The following GSE1 variants were observed in gnomAD, a reference collection of about 807,000 sequenced individuals.
GSE1 encodes the protein Gse1 coiled-coil protein.
GSE1 carries 32 observed loss-of-function variants against 112.6 expected under a neutral mutation model. The observed-to-expected ratio is 0.28, with a 90% CI of 0.21 to 0.38. GSE1 has a LOEUF of 0.38. Ranked by LOEUF, GSE1 falls within the 10% of genes least tolerant of loss-of-function variation. GSE1 has a pLI of 1.00. For missense variants in GSE1, 2,348 were observed against 1,699.2 expected (o/e 1.38, Z -6.71); for synonymous variants, 1,115 against 735.6 (o/e 1.52, Z -8.35).
intron 1 of GSE1, among the ~76,000 whole-genome samples, chr16:85,564,732 A>T (rs931807958): frequency 3.3e-5 from 5 of 152,182 alleles, no homozygotes; most frequent in Admixed American, 2.6e-4. Flanking sequence ...TCCAGAAGCC[A>T]AGGAACAGTA....
chr16:85,574,550 C>A (rs1188102373), intron 1 of GSE1, among the ~76,000 whole-genome samples: 2 of 152,248 alleles, frequency 1.3e-5, no homozygotes, highest in Non-Finnish European at 2.9e-5. Flanking sequence ...CAGGAAGTGA[C>A]CTCGTAGAAC....
intron 7 of GSE1, 71 bp downstream of exon 7, chr16:85,656,736 C>A: frequency 7.0e-7 from 1 of 1,436,566 alleles, no homozygotes; most frequent in Non-Finnish European, 9.1e-7. Context: ...TGAATCGCAG[C>A]ACCTGCCGGT....
At position 85,673,211 on chromosome 16, in the gene GSE1, A is replaced by T. The variant is rs2053481246; in HGVS notation, c.*672A>T. On this transcript the variant is annotated 3_prime_UTR_variant, in exon 16 of 16. Transcript: ENST00000253458. The stretch of plus-strand genomic sequence containing the variant: ...TTATTACTCCGTGGGGAGCATGTAC[A>T]GAGCTCTGTGTATACACAGCTTCAC... The T allele has an allele frequency of 6.6e-6, 1 of 152,638 alleles. No individual in the cohort carries two copies. Among genetic ancestry groups the T allele is most frequent in the South Asian group, 2.1e-4 (1 of 4,830 alleles). 9.5% of individuals were successfully genotyped at this position (152,638 alleles called of 1,614,324 possible).
chr16:85,302,274 G>T (rs965053627), intron 1 of GSE1, among the ~76,000 whole-genome samples: 1 of 152,090 alleles, frequency 6.6e-6, no homozygotes, highest in East Asian at 1.9e-4. Context: ...AATTTAATCC[G>T]GGGTGACTCG....
intron 2 of GSE1, among the ~76,000 whole-genome samples, chr16:85,435,617 T>G (rs2049228345): frequency 6.6e-6 from 1 of 150,976 alleles, no homozygotes; most frequent in African/African-American, 2.4e-5. Flanking sequence ...TTGAGTGGGT[T>G]TTGAGGGGGG....
At chr16:85,633,870 T>C (rs1282808809) in intron 1 of GSE1, 44 bp from the exon 2 acceptor site, 1 of 1,517,212 alleles carries the variant, frequency 6.6e-7, no homozygotes, top group Admixed American at 1.7e-5. Flanking sequence ...TGCTGGGCGC[T>C]CCTGCTCTCT....
intron 1 of GSE1, among the ~76,000 whole-genome samples, chr16:85,243,630 T>C (rs1485279508): frequency 6.6e-6 from 1 of 152,082 alleles, no homozygotes. Context: ...CCAGAGATGT[T>C]GTGAGTGGAG....
At chr16:85,584,649 G>A (rs920661087) in intron 1 of GSE1, among the ~76,000 whole-genome samples, 1 of 152,124 alleles carries the variant, frequency 6.6e-6, no homozygotes, top group African/African-American at 2.4e-5. Context: ...TCTGAGGCTG[G>A]TACTTGGTAC....
At chr16:85,258,798 G>A (rs151178867) in intron 1 of GSE1, among the ~76,000 whole-genome samples, 30 of 152,332 alleles carry the variant, frequency 2.0e-4, no homozygotes, top group African/African-American at 6.7e-4. Context: ...AGGGAGCTGT[G>A]GCGGTTTAGC....
chr16:85,452,324 C>T (rs1448142680), intron 2 of GSE1, among the ~76,000 whole-genome samples: 2 of 152,214 alleles, frequency 1.3e-5, no homozygotes, highest in South Asian at 4.1e-4. Context: ...TGCCAGTGGG[C>T]CCCGGTAATT....
At chr16:85,350,716 T>G (rs1434100902) in intron 1 of GSE1, among the ~76,000 whole-genome samples, 2 of 152,260 alleles carry the variant, frequency 1.3e-5, no homozygotes, top group African/African-American at 4.8e-5. Context: ...TCCAAGTGCC[T>G]TAGCAGAAGA....
intron 1 of GSE1, among the ~76,000 whole-genome samples, chr16:85,226,873 G>A (rs951478007): frequency 6.6e-6 from 1 of 151,612 alleles, no homozygotes; most frequent in Non-Finnish European, 1.5e-5. Context: ...GTAGCACTTG[G>A]TGAGGCTGGG....
At chr16:85,668,690 C>G (rs1284407182) in intron 14 of GSE1, among the ~76,000 whole-genome samples, 2 of 152,228 alleles carry the variant, frequency 1.3e-5, no homozygotes, top group African/African-American at 4.8e-5. Flanking sequence ...GGGCCCTGCT[C>G]TGTGGGCTGC....
intron 1 of GSE1, among the ~76,000 whole-genome samples, chr16:85,263,767 T>C (rs1409564194): frequency 2.6e-5 from 4 of 152,156 alleles, no homozygotes; most frequent in African/African-American, 7.2e-5. Flanking sequence ...GAGACAGGGT[T>C]TCACCATGTT....
intron 2 of GSE1, among the ~76,000 whole-genome samples, chr16:85,453,027 C>T (rs552018352): frequency 2.0e-4 from 31 of 152,292 alleles, no homozygotes; most frequent in Admixed American, 9.1e-4. Flanking sequence ...CCGACGCTGC[C>T]GGTCCAGGGC....
chr16:85,382,618 G>C (rs1022957560), intron 2 of GSE1, among the ~76,000 whole-genome samples: 1 of 152,170 alleles, frequency 6.6e-6, no homozygotes, highest in Admixed American at 6.5e-5. Flanking sequence ...TAAGATGGGA[G>C]GGACAGAATG....
chr16:85,276,730 G>A (rs1909403668), intron 1 of GSE1, among the ~76,000 whole-genome samples: 1 of 152,112 alleles, frequency 6.6e-6, no homozygotes, highest in African/African-American at 2.4e-5. Context: ...GGCCGGGGAG[G>A]TGTGTGGGGT....
At chr16:85,210,940 C>T (rs932529608) in intron 1 of GSE1, among the ~76,000 whole-genome samples, 4 of 152,230 alleles carry the variant, frequency 2.6e-5, no homozygotes, top group South Asian at 4.1e-4. Flanking sequence ...CTCTGGGCCT[C>T]GGGTTCCTTC....
At chr16:85,243,946 G>C (rs1035202060) in intron 1 of GSE1, among the ~76,000 whole-genome samples, 25 of 152,210 alleles carry the variant, frequency 1.6e-4, no homozygotes, top group African/African-American at 5.8e-4. Context: ...GGCCAACATA[G>C]AGAAACCCCA....
Sources: gnomAD v4.1 joint callset for allele counts (sites outside exome capture counted in the v4.1 genomes callset) on GRCh38, gnomAD v4.1.1 for gene constraint, MANE v1.5 for transcripts, NCBI Gene and HGNC (gene_info 2026-07-23, HGNC 2026-07-21) for gene names.